Variants in NUP37 observed in about 807,000 individuals in gnomAD.
NUP37 encodes nucleoporin 37, also known as nucleoporin Nup37.
In NUP37, 33 loss-of-function variants were observed where a neutral mutation model predicts 45.4. The ratio of observed to expected loss-of-function variants is 0.73; its 90% CI spans 0.55 to 0.97. NUP37 has a LOEUF of 0.97. Among genes scored for constraint, NUP37 ranks in the 50% least tolerant of loss-of-function variants. The pLI, the probability that NUP37 is intolerant of heterozygous loss-of-function variation, is 0.00. For missense variants in NUP37, 365 were observed against 389.7 expected (o/e 0.94, Z 0.53); for synonymous variants, 127 against 130.7 (o/e 0.97, Z 0.19).
chr12:102,088,504 T>G (rs113230345), intron 5 of NUP37, among the ~76,000 whole-genome samples: 82 of 152,300 alleles, frequency 5.4e-4, no homozygotes, highest in Non-Finnish European at 1.1e-3. Context: ...ACTTCCTTAC[T>G]GTCTCACAAA....
chr12:102,105,345 CA>C (rs1342813885), intron 3 of NUP37, among the ~76,000 whole-genome samples: 1 of 150,570 alleles, frequency 6.6e-6, no homozygotes, highest in Non-Finnish European at 1.5e-5. Context: ...GGTAACATGG[CA>C]AAACCCCATC....
chr12:102,117,873 G>C (rs892793578), intron 2 of NUP37, among the ~76,000 whole-genome samples: 1 of 152,126 alleles, frequency 6.6e-6, no homozygotes, highest in African/African-American at 2.4e-5. Context: ...TTAACTGCCT[G>C]CTCAATTAAT....
At chr12:102,087,306 T>C (rs1284320053) in intron 5 of NUP37, among the ~76,000 whole-genome samples, 1 of 152,248 alleles carries the variant, frequency 6.6e-6, no homozygotes, top group Non-Finnish European at 1.5e-5. Context: ...TACTATTCTG[T>C]GCCAAAACAC....
intron 2 of NUP37, 108 bp from the exon 3 acceptor site, chr12:102,112,340 A>G: frequency 4.6e-6 from 4 of 871,788 alleles, no homozygotes; most frequent in Middle Eastern, 2.4e-4. Flanking sequence ...GCTTTTGAAA[A>G]GTTCAAAAGC....
chr12:102,075,977 C>T (rs1185914030), intron 8 of NUP37, among the ~76,000 whole-genome samples: 1 of 151,982 alleles, frequency 6.6e-6, no homozygotes, highest in Non-Finnish European at 1.5e-5. Flanking sequence ...AAGTCCCAAT[C>T]CTTGACACTG....
chr12:102,078,851 C>G (rs771477404), intron 6 of NUP37, among the ~76,000 whole-genome samples: 1 of 152,102 alleles, frequency 6.6e-6, no homozygotes, highest in African/African-American at 2.4e-5. Context: ...AATACTTTAT[C>G]AAACGCACAA....
intron 5 of NUP37, among the ~76,000 whole-genome samples, chr12:102,092,692 G>GT (rs1336955173): frequency 6.6e-6 from 1 of 152,128 alleles, no homozygotes; most frequent in East Asian, 1.9e-4. Context: ...GGGGAACCAT[G>GT]TAACTGAAAG....
At chr12:102,081,842 C>G (rs1474968515) in intron 6 of NUP37, among the ~76,000 whole-genome samples, 2 of 151,860 alleles carry the variant, frequency 1.3e-5, no homozygotes, top group Admixed American at 6.6e-5. Flanking sequence ...TACGGTCGAG[C>G]ACCACACCTG....
At chr12:102,114,543 C>T (rs543925509) in intron 2 of NUP37, among the ~76,000 whole-genome samples, 1 of 152,288 alleles carries the variant, frequency 6.6e-6, no homozygotes, top group African/African-American at 2.4e-5. Context: ...CTTTGGAAAA[C>T]TTGCTATAAT....
At chr12:102,091,706 ACTC>A (rs1282040115) in intron 5 of NUP37, among the ~76,000 whole-genome samples, 1 of 152,080 alleles carries the variant, frequency 6.6e-6, no homozygotes, top group African/African-American at 2.4e-5. Flanking sequence ...GTAAAGCATC[ACTC>A]CTCAAGTGAA....
chr12:102,099,089 T>C lies in NUP37; in HGVS notation c.449+17A>G. ...AAATGGCAATTTAAAAATGTGGTTA[T>C]AACATAAGCAACATACCTGCAGGTG... On this transcript the variant is annotated intron_variant, in intron 5 of 9. Transcript: ENST00000552283. 1 of 1,544,652 alleles carries C rather than the reference T, an allele frequency of 6.5e-7. No individual in the cohort carries two copies. Among genetic ancestry groups the C allele is most frequent in the Non-Finnish European group, 8.9e-7 (1 of 1,118,072 alleles).
chr12:102,076,853 A>G lies in NUP37; in HGVS notation c.723-6T>C, dbSNP rs753261484. On this transcript the variant is annotated splice_polypyrimidine_tract_variant and splice_region_variant and intron_variant, in intron 7 of 9. Transcript: ENST00000552283. ...GTCTCTTATTTTGAGGATAACTAAAAGATAATATTTTGCATTTTATGAATT... is the reference window on the plus strand; with the variant it reads ...GTCTCTTATTTTGAGGATAACTAAAGGATAATATTTTGCATTTTATGAATT... The G allele has an allele frequency of 6.2e-7, 1 of 1,609,790 alleles. No individual in the cohort carries two copies. The highest frequency in any genetic ancestry group is 1.3e-5 in the African/African-American group (1 of 74,950).
intron 5 of NUP37, among the ~76,000 whole-genome samples, chr12:102,096,046 A>G (rs891275020): frequency 3.9e-5 from 6 of 152,100 alleles, no homozygotes; most frequent in Non-Finnish European, 7.4e-5. Flanking sequence ...TTGTTATCTG[A>G]GCTTATACAC....
intron 3 of NUP37, among the ~76,000 whole-genome samples, chr12:102,110,311 G>C (rs1223898931): frequency 6.6e-6 from 1 of 151,890 alleles, no homozygotes; most frequent in East Asian, 1.9e-4. Flanking sequence ...ACCAGCCTGG[G>C]CAACATGGCG....
intron 6 of NUP37, among the ~76,000 whole-genome samples, chr12:102,084,674 G>A (rs1318141205): frequency 6.6e-6 from 1 of 150,720 alleles, no homozygotes; most frequent in Admixed American, 6.6e-5. Flanking sequence ...TTGTGCCATT[G>A]CACTCCAGCC....
At chr12:102,118,864 G>T in intron 1 of NUP37, 1 of 200,984 alleles carries the variant, frequency 5.0e-6, no homozygotes, top group Admixed American at 5.5e-5. Flanking sequence ...ATCTGAAGAT[G>T]GAATCATTTT....
chr12:102,090,217 T>G (rs143315557), intron 5 of NUP37, among the ~76,000 whole-genome samples: 51 of 152,260 alleles, frequency 3.3e-4, no homozygotes, highest in Non-Finnish European at 4.0e-4. Context: ...TCTTATTTTG[T>G]AAGGTACATT....
rs1459146571 is a variant in NUP37, at chr12:102,105,861, C to G, written c.282-4757G>C. 1.9e-4 allele frequency among the ~76,000 whole-genome samples: 14 copies of G among 73,714 alleles called. 1 individual carries two copies. The highest frequency in any genetic ancestry group is 3.0e-4 in the Admixed American group (2 of 6,660). 48.4% of individuals were successfully genotyped at this position (73,714 alleles called of 152,430 possible). A position where few individuals can be genotyped will look rare whatever the true frequency, so the allele number is the denominator to read the frequency against. Reference sequence around the variant, plus strand: ...TGGGTGACAGAGCGGGACTCCCTCTCAAAAAAAAAAAAAAAAAAAAGTGTC... The same window carrying G: ...TGGGTGACAGAGCGGGACTCCCTCTGAAAAAAAAAAAAAAAAAAAAGTGTC... On this transcript the variant is annotated intron_variant, in intron 3 of 9. Coordinates refer to ENST00000552283, the MANE Select transcript of NUP37 (RefSeq NM_024057.4).
At chr12:102,091,916 C>T (rs986239974) in intron 5 of NUP37, among the ~76,000 whole-genome samples, 1 of 151,976 alleles carries the variant, frequency 6.6e-6, no homozygotes, top group Admixed American at 6.5e-5. Context: ...CATTTCAGGC[C>T]GAGTGCTTTT....
Sources: allele counts gnomAD v4.1 joint callset (sites outside exome capture counted in the v4.1 genomes callset), GRCh38; gene constraint gnomAD v4.1.1; transcripts MANE v1.5; gene names NCBI Gene and HGNC (gene_info 2026-07-23, HGNC 2026-07-21).